Variants in PHGDH observed in about 807,000 individuals in gnomAD.
PHGDH encodes D-3-phosphoglycerate dehydrogenase.
Under a neutral mutation model 52.6 loss-of-function variants are expected in PHGDH, and 50 were observed. The observed-to-expected ratio is 0.95, with a 90% CI of 0.76 to 1.20. The LOEUF is 1.20. PHGDH is among the 50% of genes most tolerant of loss of function. The pLI, the probability that PHGDH is intolerant of heterozygous loss-of-function variation, is 0.00. For missense variants in PHGDH, 630 were observed against 684.6 expected (o/e 0.92, Z 0.89); for synonymous variants, 271 against 280.5 (o/e 0.97, Z 0.34).
chr1:119,743,966 G>A lies in PHGDH; in HGVS notation c.1528G>A (p.Gly510Ser). Residue 510 changes from glycine to serine, a missense_variant, in exon 12 of 12, where the codon GGC becomes AGC. Coordinates refer to ENST00000641023, the MANE Select transcript of PHGDH (RefSeq NM_006623.4). ...VSDGETWHVM[G>S]ISSLLPSLEA... ...AGATGGGGAGACCTGGCACGTCATG[G>A]GCATCTCCTCCTTGCTGCCCAGCCT... The A allele has an allele frequency of 1.9e-6, 3 of 1,613,996 alleles. No individual in the cohort carries two copies. The highest frequency in any genetic ancestry group is 1.1e-5 in the South Asian group (1 of 91,060).
chr1:119,718,918 A>G (rs1651037975), intron 1 of PHGDH, among the ~76,000 whole-genome samples: 1 of 152,194 alleles, frequency 6.6e-6, no homozygotes, highest in Admixed American at 6.5e-5. Context: ...CACAACAAAA[A>G]TGGTGGGGTG....
At chr1:119,721,146 A>G (rs774828067) in intron 1 of PHGDH, 24 bp from the exon 2 acceptor site, 47 of 1,613,032 alleles carry the variant, frequency 2.9e-5, no homozygotes, top group Non-Finnish European at 3.9e-5. Flanking sequence ...GACTTTCTGG[A>G]CCCAAATGTT....
intron 11 of PHGDH, 41 bp downstream of exon 11, chr1:119,743,085 T>TG (rs1240625180): frequency 1.5e-6 from 2 of 1,302,384 alleles, no homozygotes; most frequent in East Asian, 2.3e-5. Flanking sequence ...TCCTTGAGGC[T>TG]GGGGTGGGGT....
Position 119,742,882 on chromosome 1 carries a change from G to C in PHGDH, c.1285G>C (p.Gly429Arg), listed in dbSNP as rs145854744. Reference sequence around the variant, plus strand: ...ATGCCTCCTGGCCGTGGCCCTGGCAGGCGCCCCTTACCAGGCTGTGGGCTT... The same window carrying C: ...ATGCCTCCTGGCCGTGGCCCTGGCACGCGCCCCTTACCAGGCTGTGGGCTT... ...GECLLAVALA[G>R]APYQAVGLVQ... The change falls in exon 11 of 12, where the codon GGC becomes CGC. Residue 429 changes from glycine to arginine, a missense_variant. Gly to Arg is a moderately radical substitution (Grantham distance 125, BLOSUM62 -2). Transcript: ENST00000641023. 2.5e-6 allele frequency: 4 copies of C among 1,613,906 alleles called. No homozygotes were observed.
In PHGDH at chr1:119,738,822, G is replaced by A. The variant is rs142962613; in HGVS notation, c.945+1556G>A. 8.3e-3 allele frequency among the ~76,000 whole-genome samples: 1,258 copies of A among 152,150 alleles called. 16 individuals are homozygous for A. The highest frequency in any genetic ancestry group is 0.029 in the African/African-American group (1,201 of 41,498). ...CCTTGCAGAGAGATGGGGAGGAGGG[G>A]GTGAGAGGTGTATGGGCTCTGCCCT... On this transcript the variant is annotated intron_variant, in intron 8 of 11. Coordinates refer to ENST00000641023, the MANE Select transcript of PHGDH (RefSeq NM_006623.4).
At chr1:119,721,878 G>A (rs990730036) in intron 2 of PHGDH, among the ~76,000 whole-genome samples, 1 of 152,202 alleles carries the variant, frequency 6.6e-6, no homozygotes, top group Non-Finnish European at 1.5e-5. Context: ...AGAGGAGAAG[G>A]GTCCCATTTA....
intron 5 of PHGDH, among the ~76,000 whole-genome samples, chr1:119,733,587 C>T (rs761954964): frequency 1.1e-4 from 17 of 152,204 alleles, no homozygotes; most frequent in South Asian, 8.3e-4. Context: ...CCTCCTGCCT[C>T]AGCCTCCCAA....
intron 10 of PHGDH, chr1:119,742,316 G>C (rs1376880091): frequency 8.4e-6 from 3 of 355,396 alleles, no homozygotes; most frequent in Non-Finnish European, 1.6e-5. Context: ...TCCCGTTGGC[G>C]CCTTCCCCTC....
intron 1 of PHGDH, among the ~76,000 whole-genome samples, chr1:119,712,888 A>C (rs1650763046): frequency 6.6e-6 from 1 of 152,304 alleles, no homozygotes; most frequent in Non-Finnish European, 1.5e-5. Flanking sequence ...TGGGGTCCAG[A>C]TTTAGCCTCC....
chr1:119,726,972 C>A, intron 4 of PHGDH, 32 bp from the exon 5 acceptor site: 1 of 1,606,784 alleles, frequency 6.2e-7, no homozygotes, highest in East Asian at 2.2e-5. Flanking sequence ...TTGCTGACTT[C>A]AGCTTCTTTC....
intron 4 of PHGDH, 44 bp from the exon 5 acceptor site, chr1:119,726,958 CAT>C: frequency 6.2e-7 from 1 of 1,605,432 alleles, no homozygotes; most frequent in East Asian, 2.2e-5. Context: ...GGGGTCCACT[CAT>C]GTTGCTGACT....
At chr1:119,724,965 A>T in intron 3 of PHGDH, 1 of 419,304 alleles carries the variant, frequency 2.4e-6, no homozygotes, top group Non-Finnish European at 4.6e-6. Flanking sequence ...ACGGTAGGAG[A>T]GTGTGGGTGC....
At chr1:119,740,298 T>C in intron 8 of PHGDH, 88 bp from the exon 9 acceptor site, 1 of 1,431,156 alleles carries the variant, frequency 7.0e-7, no homozygotes. Flanking sequence ...CTGTCTTTCT[T>C]GTGGAGCTGG....
intron 1 of PHGDH, chr1:119,712,445 G>A: frequency 2.4e-6 from 1 of 408,398 alleles, no homozygotes; most frequent in South Asian, 2.2e-5. Context: ...GGTCCTGCAG[G>A]CTGCTCGCGG....
chr1:119,731,380 ATGTGTTAAGAGG>A (rs1651683454), intron 5 of PHGDH, among the ~76,000 whole-genome samples: 1 of 152,152 alleles, frequency 6.6e-6, no homozygotes, highest in African/African-American at 2.4e-5. Context: ...GTTCCTTAGA[ATGTGTTAAGAGG>A]CACAAACCAA....
At chr1:119,740,622 A>C in intron 9 of PHGDH, 104 bp downstream of exon 9, 1 of 1,025,668 alleles carries the variant, frequency 9.7e-7, no homozygotes, top group South Asian at 1.5e-5. Flanking sequence ...AGTGAGAGGC[A>C]GTGAGGGTGC....
rs755568069 is a variant in PHGDH, at chr1:119,712,101, G to C, written c.79G>C (p.Gly27Arg). 2 of 1,614,096 alleles carry C rather than the reference G, an allele frequency of 1.2e-6. No homozygotes were observed. Among genetic ancestry groups the C allele is most frequent in the Admixed American group, 3.3e-5 (2 of 60,030 alleles). ...CTGCCGGAAGATCTTGCAAGATGGA[G>C]GGCTGCAGGTGGTGGAAAAGCAGAA... is the stretch of plus-strand genomic sequence containing the variant. Reference protein sequence around the residue: ...PCCRKILQDGGLQVVEKQNLS... With the variant: ...PCCRKILQDGRLQVVEKQNLS... Residue 27 changes from glycine (G) to arginine (R), a missense_variant, in exon 1 of 12, where the codon GGG (glycine) becomes CGG (arginine). Coordinates refer to ENST00000641023, the MANE Select transcript of PHGDH (RefSeq NM_006623.4).
At position 119,721,317 on chromosome 1, in the gene PHGDH, A is replaced by AT; in HGVS notation, c.287dup (p.Met96IlefsTer80). 2 of 1,613,886 alleles carry AT rather than the reference A, an allele frequency of 1.2e-6. No individual in the cohort carries two copies. The highest frequency in any genetic ancestry group is 1.7e-6 in the Non-Finnish European group (2 of 1,179,896). ...CGCAACAAGGAAGGGCATCTTGGTT[A>AT]TGAAGTAAGTCATGGAGGCTGCGGG... On this transcript the variant is annotated frameshift_variant, in exon 2 of 12. Coordinates refer to ENST00000641023, the MANE Select transcript of PHGDH (RefSeq NM_006623.4). LOFTEE classifies it high-confidence loss of function.
intron 5 of PHGDH, among the ~76,000 whole-genome samples, chr1:119,728,607 C>T (rs1392207857): frequency 2.0e-5 from 3 of 152,102 alleles, no homozygotes; most frequent in Admixed American, 2.0e-4. Flanking sequence ...CTCTGGTTGC[C>T]ATCAGTAGCA....
Sources: gnomAD v4.1 joint callset for allele counts (sites outside exome capture counted in the v4.1 genomes callset) on GRCh38, gnomAD v4.1.1 for gene constraint, MANE v1.5 for transcripts, NCBI Gene and HGNC (gene_info 2026-07-23, HGNC 2026-07-21) for gene names.